The following SLC25A18 variants were observed in gnomAD, a reference collection of about 807,000 sequenced individuals.
SLC25A18 encodes the protein mitochondrial glutamate carrier 2.
In SLC25A18, 24 loss-of-function variants were observed where a neutral mutation model predicts 31.1. The observed-to-expected ratio is 0.77, with a 90% CI of 0.56 to 1.08. The LOEUF is 1.08. Ranked by LOEUF, SLC25A18 falls within the 50% of genes least tolerant of loss-of-function variation. SLC25A18 has a pLI of 0.00. For synonymous variants in SLC25A18, 173 were observed against 161.9 expected (o/e 1.07, Z -0.52); for missense variants, 371 against 418.5 (o/e 0.89, Z 0.99).
At position 17,581,062 on chromosome 22, in the gene SLC25A18, G is replaced by A; in HGVS notation, c.46G>A (p.Gly16Ser). 6.4e-7 allele frequency: 1 copy of A among 1,555,796 alleles called. No individual in the cohort carries two copies. Among genetic ancestry groups the A allele is most frequent in the African/African-American group, 1.4e-5 (1 of 73,592 alleles). Reference protein sequence around the residue: ...LSITAKLINGGVAGLVGVTCV... With the variant: ...LSITAKLINGSVAGLVGVTCV... Reference sequence around the variant, plus strand: ...CATCACAGCCAAACTCATCAATGGAGGTGTAGCAGGGCTCGTGGGGGTGAC... The same window carrying A: ...CATCACAGCCAAACTCATCAATGGAAGTGTAGCAGGGCTCGTGGGGGTGAC... Residue 16 changes from glycine (G) to serine (S), a missense_variant, in exon 4 of 11, where the codon GGT becomes AGT. Coordinates refer to ENST00000327451, the MANE Select transcript of SLC25A18 (RefSeq NM_031481.3).
chr22:17,587,430 A>G, intron 8 of SLC25A18, 129 bp downstream of exon 8: 1 of 1,228,518 alleles, frequency 8.1e-7, no homozygotes, highest in Non-Finnish European at 1.1e-6. Context: ...AACGATTTCC[A>G]TGCTTCCTGT....
chr22:17,575,434 C>T (rs915439809), intron 2 of SLC25A18, among the ~76,000 whole-genome samples: 18 of 152,170 alleles, frequency 1.2e-4, no homozygotes, highest in Non-Finnish European at 2.1e-4. Context: ...AAGTCTCTCC[C>T]GCCTTGCATC....
At chr22:17,565,851 G>C (rs758850786) in intron 1 of SLC25A18, among the ~76,000 whole-genome samples, 5 of 152,132 alleles carry the variant, frequency 3.3e-5, no homozygotes, top group Non-Finnish European at 7.3e-5. Context: ...TGGGCAACAA[G>C]AGTGAAGCTC....
At chr22:17,589,977 C>T in intron 10 of SLC25A18, 118 bp from the exon 11 acceptor site, 1 of 1,422,564 alleles carries the variant, frequency 7.0e-7, no homozygotes, top group Non-Finnish European at 9.6e-7. Context: ...TGGCCTCTTG[C>T]TCTTGTTGTG....
At chr22:17,584,523 T>G (rs1486111014) in intron 7 of SLC25A18, among the ~76,000 whole-genome samples, 1 of 151,612 alleles carries the variant, frequency 6.6e-6, no homozygotes, top group Non-Finnish European at 1.5e-5. Context: ...CTCACGCCTG[T>G]AATCCCAGCA....
intron 2 of SLC25A18, among the ~76,000 whole-genome samples, chr22:17,576,523 C>A (rs2057234169): frequency 6.6e-6 from 1 of 152,190 alleles, no homozygotes; most frequent in South Asian, 2.1e-4. Flanking sequence ...GCGTGACTAA[C>A]ACTTAGGCTT....
chr22:17,590,170 C>G lies in SLC25A18; in HGVS notation c.882C>G (p.Leu294=). ...AGCRALVIAP[L]FGIAQGVYFI... ...GCCGGGCACTGGTCATAGCACCTCTCTTTGGGATTGCTCAAGGGGTCTATT... is the reference window on the plus strand; with the variant it reads ...GCCGGGCACTGGTCATAGCACCTCTGTTTGGGATTGCTCAAGGGGTCTATT... The change falls in exon 11 of 11, where the codon CTC becomes CTG. Residue 294 remains leucine (L), a synonymous_variant. Coordinates refer to ENST00000327451, the MANE Select transcript of SLC25A18 (RefSeq NM_031481.3). 1.9e-6 allele frequency: 3 copies of G among 1,614,238 alleles called. No homozygotes were observed. The highest frequency in any genetic ancestry group is 2.5e-6 in the Non-Finnish European group (3 of 1,180,046).
At chr22:17,572,831 C>T (rs574359135) in intron 2 of SLC25A18, among the ~76,000 whole-genome samples, 31 of 151,466 alleles carry the variant, frequency 2.0e-4, no homozygotes, top group Admixed American at 5.9e-4. Context: ...TTAGTAGAGA[C>T]GGGGTTTCAC....
chr22:17,583,003 C>A (rs554191662), intron 6 of SLC25A18, among the ~76,000 whole-genome samples: 1 of 152,038 alleles, frequency 6.6e-6, no homozygotes, highest in Non-Finnish European at 1.5e-5. Flanking sequence ...TGGGCCCAGG[C>A]GGTCGAGGTT....
In SLC25A18 at chr22:17,590,295, CCT is replaced by C; in HGVS notation, c.*60_*61del. On this transcript the variant is annotated 3_prime_UTR_variant, in exon 11 of 11. Coordinates refer to ENST00000327451, the MANE Select transcript of SLC25A18 (RefSeq NM_031481.3). ...CCCTCTCTCTAGCTGTTTCACTTAG[CCT>C]AGAGGGGGCAAGGGCAGGTGGGGCC... The C allele has an allele frequency of 6.2e-7, 1 of 1,606,740 alleles. No individual in the cohort carries two copies. The highest frequency in any genetic ancestry group is 8.5e-7 in the Non-Finnish European group (1 of 1,175,368).
At chr22:17,569,012 CTT>C (rs954487377) in intron 1 of SLC25A18, among the ~76,000 whole-genome samples, 2 of 142,898 alleles carry the variant, frequency 1.4e-5, no homozygotes, top group Non-Finnish European at 3.1e-5. Flanking sequence ...CTCTTCTTTA[CTT>C]TTTTTTTTTT....
chr22:17,568,915 A>C (rs1429363450), intron 1 of SLC25A18, among the ~76,000 whole-genome samples: 1 of 151,858 alleles, frequency 6.6e-6, no homozygotes, highest in African/African-American at 2.4e-5. Context: ...TAAGAATGTT[A>C]GCACAGGTCT....
In SLC25A18 at chr22:17,569,916, C is replaced by T; in HGVS notation, c.-263-8C>T. 1.0e-6 allele frequency: 1 copy of T among 985,542 alleles called. No homozygotes were observed. The highest frequency in any genetic ancestry group is 1.2e-6 in the Non-Finnish European group (1 of 830,040). 61.0% of individuals were successfully genotyped at this position (985,542 alleles called of 1,614,324 possible). The stretch of plus-strand genomic sequence containing the variant: ...CTGGCTGACACTGAAAGCCACCTCT[C>T]CCTGCAGCTCAGCAGCGATCTGAAC... On this transcript the variant is annotated splice_polypyrimidine_tract_variant and splice_region_variant and intron_variant, in intron 1 of 10. Coordinates refer to ENST00000327451, the MANE Select transcript of SLC25A18 (RefSeq NM_031481.3).
At chr22:17,572,896 C>CT (rs1326189823) in intron 2 of SLC25A18, among the ~76,000 whole-genome samples, 1 of 151,968 alleles carries the variant, frequency 6.6e-6, no homozygotes, top group African/African-American at 2.4e-5. Context: ...CCGCCTCGGC[C>CT]TCCCGAAGTG....
chr22:17,577,474 G>A (rs2146234553), intron 2 of SLC25A18, among the ~76,000 whole-genome samples: 1 of 151,788 alleles, frequency 6.6e-6, no homozygotes, highest in African/African-American at 2.4e-5. Context: ...TTCTAAAGTA[G>A]TAATTTAGTT....
rs2057572477 is a variant in SLC25A18, at chr22:17,587,123, C to CAGCCG, written c.410-13_410-12insAGCCG. 6.2e-7 allele frequency: 1 copy of CAGCCG among 1,612,674 alleles called. No individual in the cohort carries two copies. The highest frequency in any genetic ancestry group is 1.3e-5 in the African/African-American group (1 of 74,910). The stretch of plus-strand genomic sequence containing the variant: ...TGGGGACCAGGTACTGATGTCTGTC[C>CAGCCG]TTTCCCTTCCAGCCGTCCATCATCA... On this transcript the variant is annotated splice_polypyrimidine_tract_variant and intron_variant, in intron 7 of 10. Coordinates refer to ENST00000327451, the MANE Select transcript of SLC25A18 (RefSeq NM_031481.3).
intron 3 of SLC25A18, 170 bp from the exon 4 acceptor site, chr22:17,580,867 G>T (rs2057353054): frequency 1.4e-6 from 2 of 1,381,790 alleles, no homozygotes; most frequent in African/African-American, 3.0e-5. Flanking sequence ...GGTGAGTGCG[G>T]CTGTCCTGTC....
intron 2 of SLC25A18, among the ~76,000 whole-genome samples, chr22:17,577,112 T>A (rs1441474998): frequency 6.6e-6 from 1 of 152,100 alleles, no homozygotes; most frequent in African/African-American, 2.4e-5. Context: ...AAGCTCCGCC[T>A]CCCGGGTTCA....
At chr22:17,582,943 C>G (rs959697199) in intron 6 of SLC25A18, among the ~76,000 whole-genome samples, 1 of 152,188 alleles carries the variant, frequency 6.6e-6, no homozygotes, top group Non-Finnish European at 1.5e-5. Context: ...GCTGCAGTGG[C>G]TCATGCCTGT....
Sources: allele counts gnomAD v4.1 joint callset (sites outside exome capture counted in the v4.1 genomes callset), GRCh38; gene constraint gnomAD v4.1.1; transcripts MANE v1.5; gene names NCBI Gene and HGNC (gene_info 2026-07-23, HGNC 2026-07-21).